RALA: variants seen among roughly 807,000 people sequenced by gnomAD.
RALA encodes RAS like proto-oncogene A.
Under a neutral mutation model 24.0 loss-of-function variants are expected in RALA, and 5 were observed. The ratio of observed to expected loss-of-function variants is 0.21; its 90% CI spans 0.11 to 0.44. The LOEUF is 0.44. Among genes scored for constraint, RALA ranks in the 20% least tolerant of loss-of-function variants. RALA has a pLI of 0.99. For synonymous variants in RALA, 77 were observed against 83.8 expected (o/e 0.92, Z 0.44); for missense variants, 95 against 241.2 (o/e 0.39, Z 4.01).
At chr7:39,683,205 C>G (rs1229443033) in intron 1 of RALA, among the ~76,000 whole-genome samples, 1 of 152,186 alleles carries the variant, frequency 6.6e-6, no homozygotes, top group East Asian at 1.9e-4. Flanking sequence ...GTCTCAGATA[C>G]TCTGTTATAG....
chr7:39,666,707 A>G (rs1284456249), intron 1 of RALA, among the ~76,000 whole-genome samples: 1 of 152,146 alleles, frequency 6.6e-6, no homozygotes, highest in Non-Finnish European at 1.5e-5. Context: ...GCTCGCTGTT[A>G]CTCCTTAAAA....
At chr7:39,699,118 G>GTTTTTTT (rs1209729467) in intron 4 of RALA, among the ~76,000 whole-genome samples, 8 of 84,134 alleles carry the variant, frequency 9.5e-5, no homozygotes, top group African/African-American at 1.9e-4. Context: ...TGCTAAAAAT[G>GTTTTTTT]TTATTTTTTT....
At chr7:39,652,422 A>G (rs1748437686) in intron 1 of RALA, among the ~76,000 whole-genome samples, 1 of 152,196 alleles carries the variant, frequency 6.6e-6, no homozygotes, top group African/African-American at 2.4e-5. Flanking sequence ...AAGTTTTATG[A>G]TATTTGCATT....
intron 1 of RALA, among the ~76,000 whole-genome samples, chr7:39,654,426 A>G (rs1029474752): frequency 6.6e-6 from 1 of 152,214 alleles, no homozygotes; most frequent in Non-Finnish European, 1.5e-5. Context: ...CTAGTGAGCC[A>G]AATCTGCCTC....
In RALA at chr7:39,667,914, C is replaced by G. The variant is rs1792312432; in HGVS notation, c.-37-18717C>G. Among the ~76,000 whole-genome samples the G allele has an allele frequency of 2.0e-5, 3 of 151,910 alleles. No homozygotes were observed. In the South Asian group the frequency reaches 6.2e-4, roughly 32 times the overall value. On this transcript the variant is annotated intron_variant, in intron 1 of 4. Transcript: ENST00000005257. ...TAAATACCCAGTGAATTTAAAGTGT[C>G]TTCCTGATCTGTTGTGAGAAGCAGA...
chr7:39,626,799 C>T (rs1213145464), intron 1 of RALA, among the ~76,000 whole-genome samples: 4 of 151,964 alleles, frequency 2.6e-5, no homozygotes, highest in Admixed American at 2.0e-4. Flanking sequence ...TTTTTTAGTT[C>T]GTTCTTTCAC....
chr7:39,662,778 A>G (rs538673417), intron 1 of RALA, among the ~76,000 whole-genome samples: 1 of 152,236 alleles, frequency 6.6e-6, no homozygotes, highest in African/African-American at 2.4e-5. Flanking sequence ...ATCTCTGCCC[A>G]TTACCCAGTT....
chr7:39,683,889 A>G (rs190801823), intron 1 of RALA, among the ~76,000 whole-genome samples: 5 of 151,990 alleles, frequency 3.3e-5, no homozygotes, highest in Admixed American at 3.3e-4. Flanking sequence ...TAGAGTATTA[A>G]TTGATATGGT....
chr7:39,627,369 C>T (rs1213757765), intron 1 of RALA, among the ~76,000 whole-genome samples: 7 of 152,146 alleles, frequency 4.6e-5, no homozygotes. Context: ...AAAAGGCATG[C>T]TTCCATAAAA....
rs190241685 is a variant in RALA at position 39,683,204 on chromosome 7, A to G, written c.-37-3427A>G. Among the ~76,000 whole-genome samples the G allele has an allele frequency of 7.0e-3, 1,058 of 152,226 alleles. 9 individuals carry two copies. The highest frequency in any genetic ancestry group is 0.014 in the Middle Eastern group (4 of 294). Reference sequence around the variant, plus strand: ...AAAAATAAATTACCCAGTCTCAGATACTCTGTTATAGCAACAGGAAACAGA... The same window carrying G: ...AAAAATAAATTACCCAGTCTCAGATGCTCTGTTATAGCAACAGGAAACAGA... On this transcript the variant is annotated intron_variant, in intron 1 of 4. Coordinates refer to ENST00000005257, the MANE Select transcript of RALA (RefSeq NM_005402.4).
intron 1 of RALA, among the ~76,000 whole-genome samples, chr7:39,645,556 C>A (rs867456836): frequency 1.3e-5 from 2 of 152,204 alleles, no homozygotes; most frequent in Middle Eastern, 6.8e-3. Flanking sequence ...CATTTATCGT[C>A]AGTAAAGTGT....
intron 1 of RALA, among the ~76,000 whole-genome samples, chr7:39,645,612 C>T (rs1446761477): frequency 1.3e-5 from 2 of 152,158 alleles, no homozygotes; most frequent in East Asian, 1.9e-4. Flanking sequence ...GGTATAGTGA[C>T]ATGAGCACAA....
intron 1 of RALA, among the ~76,000 whole-genome samples, chr7:39,659,085 G>A (rs1157034352): frequency 5.9e-5 from 9 of 152,088 alleles, no homozygotes; most frequent in Admixed American, 5.2e-4. Flanking sequence ...TTCCAGACCA[G>A]CCTGGGGCAA....
chr7:39,669,142 A>G (rs1792338081), intron 1 of RALA, among the ~76,000 whole-genome samples: 1 of 152,116 alleles, frequency 6.6e-6, no homozygotes, highest in Non-Finnish European at 1.5e-5. Flanking sequence ...TAAAAATACA[A>G]GTGGGACGTA....
intron 1 of RALA, among the ~76,000 whole-genome samples, chr7:39,658,210 G>A (rs1040585215): frequency 6.6e-6 from 1 of 152,100 alleles, no homozygotes; most frequent in African/African-American, 2.4e-5. Flanking sequence ...CTTCATCCTA[G>A]ACATAACAGT....
At position 39,690,428 on chromosome 7, in the gene RALA, AGGTAGTGCTAGAT is replaced by A; in HGVS notation, c.164_176del (p.Val55GlyfsTer9). On this transcript the variant is annotated frameshift_variant, in exon 3 of 5. Coordinates refer to ENST00000005257, the MANE Select transcript of RALA (RefSeq NM_005402.4). LOFTEE classifies it high-confidence loss of function. ...ACCAAAGCAGACAGCTATCGGAAGA[AGGTAGTGCTAGAT>A]GGGGAGGAAGTCCAGATCGATATCT... 6.2e-7 allele frequency: 1 copy of A among 1,614,094 alleles called. No individual in the cohort carries two copies. The highest frequency in any genetic ancestry group is 8.5e-7 in the Non-Finnish European group (1 of 1,179,972).
intron 1 of RALA, among the ~76,000 whole-genome samples, chr7:39,654,188 G>A (rs1792061657): frequency 6.6e-6 from 1 of 152,104 alleles, no homozygotes; most frequent in African/African-American, 2.4e-5. Context: ...TGAATTGTAT[G>A]AATCAAGAAC....
At chr7:39,650,990 G>A (rs1277476494) in intron 1 of RALA, among the ~76,000 whole-genome samples, 1 of 152,214 alleles carries the variant, frequency 6.6e-6, no homozygotes, top group African/African-American at 2.4e-5. Context: ...CAGGACAGAA[G>A]CCTCAGCCTT....
At chr7:39,630,885 A>G (rs935593806) in intron 1 of RALA, among the ~76,000 whole-genome samples, 2 of 152,116 alleles carry the variant, frequency 1.3e-5, no homozygotes, top group African/African-American at 4.8e-5. Flanking sequence ...GTATGTTTTA[A>G]TGTTTGGTAG....
Sources: allele counts gnomAD v4.1 joint callset (sites outside exome capture counted in the v4.1 genomes callset), GRCh38; gene constraint gnomAD v4.1.1; transcripts MANE v1.5; gene names NCBI Gene and HGNC (gene_info 2026-07-23, HGNC 2026-07-21).